Variants in ADGRE2 observed in about 807,000 individuals in gnomAD.
ADGRE2 encodes the protein CD97 antigen.
ADGRE2 carries 83 observed loss-of-function variants against 100.8 expected under a neutral mutation model. The observed-to-expected ratio is 0.82, with a 90% confidence interval of 0.69 to 0.99. The LOEUF (loss-of-function observed/expected upper bound fraction) is 0.99, where lower values mean the gene tolerates loss of function less well. ADGRE2 is among the 50% of genes least tolerant of loss of function. ADGRE2 has a pLI of 0.00. For synonymous variants in ADGRE2, 355 were observed against 413.0 expected (o/e 0.86, Z 1.70); for missense variants, 814 against 1,035.7 (o/e 0.79, Z 2.94).
intron 10 of ADGRE2, 42 bp from the exon 11 acceptor site, chr19:14,764,652 A>C (rs1203943249): frequency 6.4e-7 from 1 of 1,568,784 alleles, no homozygotes; most frequent in East Asian, 2.2e-5. Context: ...CATGGGCCAG[A>C]GGGCCCGCAT....
the ADGRE2 span, among the ~76,000 whole-genome samples, chr19:14,726,255 G>A: frequency 2.0e-5 from 3 of 152,202 alleles, no homozygotes; most frequent in African/African-American, 4.8e-5. Context: ...GGGCAGCGGG[G>A]CCCTGGAACT....
In ADGRE2 at chr19:14,772,392, G is replaced by A; in HGVS notation, c.305C>T (p.Pro102Leu). ...YDCVCSPGYE[P>L]VSGAKTFKNE... ...CTTGAATGTTTTTGCCCCAGAAACA[G>A]GCTCATATCCTGGGCTGCACACGCA... Residue 102 changes from proline to leucine, a missense_variant, in exon 5 of 21, where the codon CCT becomes CTT. Physicochemically the swap from Pro to Leu is moderately conservative, Grantham distance 98 (BLOSUM62 -3). Around this residue, in one of 5 missense-constraint regions of ADGRE2, gnomAD observed 143 missense variants for 160.3 expected, o/e 0.89. Transcript: ENST00000315576. 6.2e-7 allele frequency: 1 copy of A among 1,614,086 alleles called. No individual in the cohort carries two copies. Among genetic ancestry groups the A allele is most frequent in the Non-Finnish European group, 8.5e-7 (1 of 1,180,032 alleles).
chr19:14,765,173 G>A lies in ADGRE2; in HGVS notation c.906+147C>T, dbSNP rs1293282810. 4 of 800,482 alleles carry A rather than the reference G, an allele frequency of 5.0e-6. No homozygotes were observed. The East Asian group carries it at 1.0e-4, about 20-fold the overall frequency. The allele number at this position is 800,482 out of a possible 1,614,324, so 49.6% of individuals were successfully genotyped here. On this transcript the variant is annotated intron_variant, in intron 10 of 20. Transcript: ENST00000315576. ...ATTAAGTGCACTTGGGTGTCCATTA[G>A]CTTCCACCAGCCCTGAAAGATGCTG...
Position 14,774,691 on chromosome 19 carries a change from TG to T in ADGRE2, c.32-386del, listed in dbSNP as rs1568630392. On this transcript the variant is annotated intron_variant, in intron 2 of 20. Transcript: ENST00000315576. Reference sequence around the variant, plus strand: ...ATTTTAAATTTTCTTTCTTTCTTTTTGAGACAGGGTCTTGCTCTGTCGCCCA... The same window carrying T: ...ATTTTAAATTTTCTTTCTTTCTTTTTAGACAGGGTCTTGCTCTGTCGCCCA... Among the ~76,000 whole-genome samples, 5 of 139,762 alleles carry T rather than the reference TG, an allele frequency of 3.6e-5. No homozygotes were observed. In the East Asian group the frequency reaches 8.6e-4, roughly 24 times the overall value. The allele number at this position is 139,762 out of a possible 152,430, so 91.7% of individuals were successfully genotyped here. A position where few individuals can be genotyped will look rare whatever the true frequency, so the allele number is the denominator to read the frequency against.
At chr19:14,758,771 GC>G (rs1450682249) in intron 11 of ADGRE2, among the ~76,000 whole-genome samples, 4 of 151,740 alleles carry the variant, frequency 2.6e-5, no homozygotes, top group Admixed American at 2.6e-4. Flanking sequence ...TGTAGTCCCA[GC>G]TACTCCGGAG....
chr19:14,735,681 C>T lies in ADGRE2; in HGVS notation c.*555G>A, dbSNP rs887026397. On this transcript the variant is annotated 3_prime_UTR_variant, in exon 21 of 21. Transcript: ENST00000315576. ...TAGCTGCAAGAGCCACTTCATTTTC[C>T]CCTAAAAGCTCCATGAAGGCAGGAG... is the stretch of plus-strand genomic sequence containing the variant. 1 of 152,180 alleles carries T rather than the reference C, an allele frequency of 6.6e-6. No homozygotes were observed. The highest frequency in any genetic ancestry group is 1.9e-4 in the East Asian group (1 of 5,204). 9.4% of individuals were successfully genotyped at this position (152,180 alleles called of 1,614,324 possible).
In ADGRE2 at chr19:14,746,480, C is replaced by G. The variant is rs530495853; in HGVS notation, c.2092-157G>C. On this transcript the variant is annotated intron_variant, in intron 17 of 20. Transcript: ENST00000315576. ...CTCTGCCTCCCGGGTTCGAGCGATT[C>G]TCCTGTCTCAGCCTCCCGAGTACAG... Among the ~76,000 whole-genome samples the G allele has an allele frequency of 2.0e-5, 3 of 150,798 alleles. No individual in the cohort carries two copies. In the South Asian group the frequency reaches 6.3e-4, roughly 31 times the overall value.
At chr19:14,772,518 A>G (rs2302089) in intron 4 of ADGRE2, 21 bp from the exon 5 acceptor site, 49,611 of 1,612,502 alleles carry the variant, frequency 0.031, 1,769 homozygotes, top group African/African-American at 0.16. Context: ...ACAGGACAGG[A>G]GGTCATCTCC....
At chr19:14,750,831 A>G (rs2043262418) in intron 16 of ADGRE2, among the ~76,000 whole-genome samples, 1 of 152,106 alleles carries the variant, frequency 6.6e-6, no homozygotes, top group South Asian at 2.1e-4. Flanking sequence ...ATTATTTTTT[A>G]GAGACAAGGT....
chr19:14,760,215 C>T (rs1407155490), intron 11 of ADGRE2, among the ~76,000 whole-genome samples: 2 of 152,098 alleles, frequency 1.3e-5, no homozygotes, highest in Non-Finnish European at 2.9e-5. Flanking sequence ...CAATTGTTCC[C>T]AACACATACA....
downstream of ADGRE2, among the ~76,000 whole-genome samples, chr19:14,728,992 C>T (rs1050945528): frequency 2.1e-4 from 32 of 152,064 alleles, no homozygotes; most frequent in African/African-American, 7.2e-4. Context: ...GGGAAGGGGA[C>T]GTGAGTTACA....
At chr19:14,739,736 C>T (rs1157747173) in intron 20 of ADGRE2, among the ~76,000 whole-genome samples, 1 of 152,004 alleles carries the variant, frequency 6.6e-6, no homozygotes, top group Non-Finnish European at 1.5e-5. Context: ...GGAAAATTGC[C>T]CTGGATTGTC....
intron 14 of ADGRE2, among the ~76,000 whole-genome samples, chr19:14,753,913 A>G (rs2043388990): frequency 6.6e-6 from 1 of 152,176 alleles, no homozygotes; most frequent in Non-Finnish European, 1.5e-5. Context: ...CTGGGTGTCA[A>G]CTTGATTGGA....
At chr19:14,770,754 A>G (rs2044177420) in intron 5 of ADGRE2, among the ~76,000 whole-genome samples, 1 of 131,020 alleles carries the variant, frequency 7.6e-6, no homozygotes, top group Non-Finnish European at 1.5e-5. Context: ...ATCCTGGCTC[A>G]CTGCAACCTC....
downstream of ADGRE2, among the ~76,000 whole-genome samples, chr19:14,730,749 A>G (rs1297204737): frequency 6.6e-6 from 1 of 151,828 alleles, no homozygotes; most frequent in Non-Finnish European, 1.5e-5. Context: ...TGGGGTACAA[A>G]TGAATCCAGT....
At chr19:14,775,836 G>A (rs1484000952) in intron 2 of ADGRE2, among the ~76,000 whole-genome samples, 1 of 138,970 alleles carries the variant, frequency 7.2e-6, no homozygotes, top group Non-Finnish European at 1.5e-5. Flanking sequence ...TCCAGCCTGG[G>A]CGACAGAGCA....
intron 20 of ADGRE2, among the ~76,000 whole-genome samples, chr19:14,739,979 T>A (rs2042878061): frequency 1.3e-5 from 2 of 151,936 alleles, no homozygotes; most frequent in Non-Finnish European, 2.9e-5. Flanking sequence ...CGGGTGCCTG[T>A]AATCCTAGCT....
intron 5 of ADGRE2, chr19:14,768,954 T>C (rs988077907): frequency 1.3e-5 from 2 of 152,284 alleles, no homozygotes; most frequent in Non-Finnish European, 2.9e-5. Flanking sequence ...CAGAGAGAGT[T>C]CCAGGTGAGC....
chr19:14,776,714 CA>C lies in ADGRE2; in HGVS notation c.31+11del. 1 of 1,612,446 alleles carries C rather than the reference CA, an allele frequency of 6.2e-7. No homozygotes were observed. The highest frequency in any genetic ancestry group is 8.5e-7 in the Non-Finnish European group (1 of 1,179,292). On this transcript the variant is annotated intron_variant, in intron 2 of 20. Transcript: ENST00000315576. ...CTCGCTACCACCCCCAGCGGGGCCC[CA>C]AAGTACTTACCGAGAAAGACGAGAA...
Sources: allele counts gnomAD v4.1 joint callset (sites outside exome capture counted in the v4.1 genomes callset), GRCh38; gene constraint gnomAD v4.1.1; regional missense constraint gnomAD v4.1.1; transcripts MANE v1.5; gene names NCBI Gene and HGNC (gene_info 2026-07-23, HGNC 2026-07-21).